The following BTBD16 variants were observed in gnomAD, a reference collection of about 807,000 sequenced individuals.
BTBD16 encodes the protein BTB domain containing 16, also known as BTB/POZ domain-containing protein 16.
Under a neutral mutation model 67.4 loss-of-function variants are expected in BTBD16, and 66 were observed. The observed-to-expected ratio is 0.98, with a 90% CI of 0.80 to 1.20. The LOEUF (loss-of-function observed/expected upper bound fraction) is 1.20. BTBD16 is among the 50% of genes most tolerant of loss of function. BTBD16 has a pLI of 0.00. For missense variants in BTBD16, 634 were observed against 616.0 expected (o/e 1.03, Z -0.31); for synonymous variants, 242 against 236.4 (o/e 1.02, Z -0.22).
chr10:122,295,922 T>C (rs560544720), intron 7 of BTBD16, among the ~76,000 whole-genome samples: 69 of 152,212 alleles, frequency 4.5e-4, no homozygotes, highest in Admixed American at 5.9e-4. Context: ...TTGAGTGGCT[T>C]CCATGAATAC....
At chr10:122,324,222 G>A (rs1304128808) in intron 10 of BTBD16, among the ~76,000 whole-genome samples, 4 of 152,150 alleles carry the variant, frequency 2.6e-5, no homozygotes, top group Admixed American at 6.5e-5. Context: ...TCCTCTTTGC[G>A]GAGAGAAAAA....
rs2096451209 is a variant in BTBD16 at position 122,329,479 on chromosome 10, G to A, written c.912-1G>A. On this transcript the variant is annotated splice_acceptor_variant, in intron 10 of 15. Coordinates refer to ENST00000260723, the MANE Select transcript of BTBD16 (RefSeq NM_144587.5). LOFTEE classifies it high-confidence loss of function. ...TTATTCTTCTTTATGCCTCTGCTAAGCTTTCCTGAGAACTGTTGCTTTCTG... is the reference window on the plus strand; with the variant it reads ...TTATTCTTCTTTATGCCTCTGCTAAACTTTCCTGAGAACTGTTGCTTTCTG... 1 of 1,613,562 alleles carries A rather than the reference G, an allele frequency of 6.2e-7. No individual in the cohort carries two copies. The highest frequency in any genetic ancestry group is 1.3e-5 in the African/African-American group (1 of 74,886).
chr10:122,337,604 A>G (rs1002371422), intron 15 of BTBD16, among the ~76,000 whole-genome samples: 1 of 152,176 alleles, frequency 6.6e-6, no homozygotes, highest in Non-Finnish European at 1.5e-5. Flanking sequence ...AGCTGGGACT[A>G]CAGGAGCCTG....
At chr10:122,324,251 T>C (rs1172784869) in intron 10 of BTBD16, among the ~76,000 whole-genome samples, 1 of 152,228 alleles carries the variant, frequency 6.6e-6, no homozygotes, top group Non-Finnish European at 1.5e-5. Flanking sequence ...GCTGGCTGCA[T>C]GGGTGTGCAC....
chr10:122,276,646 T>G (rs985507859), intron 2 of BTBD16, 145 bp from the exon 3 acceptor site: 6 of 1,065,838 alleles, frequency 5.6e-6, no homozygotes, highest in Non-Finnish European at 6.7e-6. Context: ...TTGAGTTGTC[T>G]TGTGAGAAAT....
chr10:122,300,317 A>G (rs895048781), intron 9 of BTBD16, among the ~76,000 whole-genome samples: 2 of 151,964 alleles, frequency 1.3e-5, no homozygotes, highest in Admixed American at 6.6e-5. Context: ...GAATATATGC[A>G]ATAATGCATA....
chr10:122,308,758 T>C (rs2096408188), intron 10 of BTBD16, among the ~76,000 whole-genome samples: 2 of 152,204 alleles, frequency 1.3e-5, no homozygotes, highest in South Asian at 2.1e-4. Flanking sequence ...GGCCCACTTT[T>C]AGCACTGTGG....
chr10:122,336,335 T>G (rs2096463179), intron 14 of BTBD16, 159 bp from the exon 15 acceptor site: 1 of 217,408 alleles, frequency 4.6e-6, no homozygotes, highest in Non-Finnish European at 7.8e-6. Context: ...GACAACTGAC[T>G]CAGCAGCAGC....
intron 3 of BTBD16, among the ~76,000 whole-genome samples, chr10:122,282,269 A>G (rs1447968848): frequency 6.6e-6 from 1 of 152,104 alleles, no homozygotes; most frequent in Admixed American, 6.5e-5. Context: ...CAGACGTGTC[A>G]CCCAAGCCAC....
intron 2 of BTBD16, 54 bp from the exon 3 acceptor site, chr10:122,276,737 A>G (rs2096341316): frequency 1.3e-6 from 2 of 1,588,950 alleles, no homozygotes; most frequent in East Asian, 2.2e-5. Flanking sequence ...AAAATCTGGC[A>G]TTTATGTGAA....
chr10:122,287,873 A>G lies in BTBD16; in HGVS notation c.385+1625A>G, dbSNP rs1344566678. Among the ~76,000 whole-genome samples, 3 of 152,192 alleles carry G rather than the reference A, an allele frequency of 2.0e-5. No individual in the cohort carries two copies. In the East Asian group the frequency reaches 5.8e-4, roughly 29 times the overall value. ...CCAAGGAGGAAGTGGCCCACTTACT[A>G]AAAACAAACTAACCACCTTGGCTTT... On this transcript the variant is annotated intron_variant, in intron 5 of 15. Transcript: ENST00000260723.
intron 3 of BTBD16, among the ~76,000 whole-genome samples, chr10:122,278,925 G>A (rs2096346549): frequency 6.6e-6 from 1 of 152,206 alleles, no homozygotes; most frequent in Admixed American, 6.5e-5. Flanking sequence ...GCTTATCATG[G>A]TGACAGCAGA....
intron 7 of BTBD16, among the ~76,000 whole-genome samples, chr10:122,296,051 A>T (rs1237146105): frequency 1.3e-5 from 2 of 152,186 alleles, no homozygotes; most frequent in East Asian, 3.9e-4. Flanking sequence ...TAGGCCATAC[A>T]TTCAGCTCTG....
Position 122,275,065 on chromosome 10 carries a change from A to G in BTBD16, c.-17A>G. ...GTTGCTTGTCTTTTCTCTCCTGCGT[A>G]ATTTCCACTTTCATTCATGATAATG... is the stretch of plus-strand genomic sequence containing the variant. On this transcript the variant is annotated 5_prime_UTR_variant, in exon 2 of 16. Coordinates refer to ENST00000260723, the MANE Select transcript of BTBD16 (RefSeq NM_144587.5). The G allele has an allele frequency of 6.2e-7, 1 of 1,613,816 alleles. No individual in the cohort carries two copies. Among genetic ancestry groups the G allele is most frequent in the Non-Finnish European group, 8.5e-7 (1 of 1,179,812 alleles).
chr10:122,312,370 T>C (rs1019477388), intron 10 of BTBD16, among the ~76,000 whole-genome samples: 1 of 148,518 alleles, frequency 6.7e-6, no homozygotes, highest in Non-Finnish European at 1.5e-5. Context: ...TGGAGTGCGG[T>C]GGCATAGTCT....
At chr10:122,278,169 A>C (rs1458928025) in intron 3 of BTBD16, among the ~76,000 whole-genome samples, 1 of 152,160 alleles carries the variant, frequency 6.6e-6, no homozygotes, top group Non-Finnish European at 1.5e-5. Flanking sequence ...TGATCCCAAA[A>C]GCTGATGAGA....
intron 10 of BTBD16, among the ~76,000 whole-genome samples, chr10:122,326,267 C>T (rs892300820): frequency 9.9e-5 from 15 of 152,064 alleles, no homozygotes; most frequent in Admixed American, 2.0e-4. Flanking sequence ...TAAGTTTATT[C>T]GCATTGTTGT....
chr10:122,333,250 G>A (rs1346838437), intron 13 of BTBD16, among the ~76,000 whole-genome samples: 1 of 152,150 alleles, frequency 6.6e-6, no homozygotes, highest in Non-Finnish European at 1.5e-5. Flanking sequence ...GTGCCTAAGT[G>A]GGCAGATGGA....
chr10:122,297,692 T>G, intron 7 of BTBD16, 76 bp from the exon 8 acceptor site: 1 of 1,514,760 alleles, frequency 6.6e-7, no homozygotes. Context: ...TGGAGTTGAA[T>G]GAGAATCTCT....
Sources: gnomAD v4.1 joint callset for allele counts (sites outside exome capture counted in the v4.1 genomes callset) on GRCh38, gnomAD v4.1.1 for gene constraint, MANE v1.5 for transcripts, NCBI Gene and HGNC (gene_info 2026-07-23, HGNC 2026-07-21) for gene names.